ITPK1: variants seen among roughly 807,000 people sequenced by gnomAD.
ITPK1 encodes inositol-tetrakisphosphate 1-kinase.
A neutral mutation model predicts 45.3 loss-of-function variants in ITPK1; 21 were observed. That is an observed-to-expected ratio of 0.46 (90% CI 0.33 to 0.67). ITPK1 has a LOEUF of 0.67. Ranked by LOEUF, ITPK1 falls within the 30% of genes least tolerant of loss-of-function variation. The pLI, the probability that ITPK1 is intolerant of heterozygous loss-of-function variation, is 0.02. For synonymous variants in ITPK1, 258 were observed against 253.6 expected, an observed-to-expected ratio of 1.02 and a Z score of -0.16; for missense variants, 474 against 573.5, an observed-to-expected ratio of 0.83 and a Z score of 1.77.
At chr14:93,109,354 A>T (rs2140036956) in intron 2 of ITPK1, among the ~76,000 whole-genome samples, 1 of 152,352 alleles carries the variant, frequency 6.6e-6, no homozygotes, top group Non-Finnish European at 1.5e-5. Context: ...ATAAACACCT[A>T]TAGAGACAGA....
In ITPK1 at chr14:93,111,610, C is replaced by A. The variant is rs949666925; in HGVS notation, c.95+3459G>T. On this transcript the variant is annotated intron_variant, in intron 2 of 10. Transcript: ENST00000267615. ...CCTGTAATCCCAGCTACTCAGGAGGCTGAGGCAGGAGAATAGCTTGAACCT... is the reference window on the plus strand; with the variant it reads ...CCTGTAATCCCAGCTACTCAGGAGGATGAGGCAGGAGAATAGCTTGAACCT... Among the ~76,000 whole-genome samples the A allele has an allele frequency of 3.3e-5, 5 of 151,174 alleles. No homozygotes were observed. The East Asian group carries it at 9.8e-4, about 30-fold the overall frequency.
intron 3 of ITPK1, chr14:93,066,317 T>C (rs1462187161): frequency 2.2e-6 from 1 of 446,866 alleles, no homozygotes; most frequent in Non-Finnish European, 4.4e-6. Flanking sequence ...TGTGTGTGTG[T>C]GTATGTGTGT....
intron 2 of ITPK1, among the ~76,000 whole-genome samples, chr14:93,094,956 G>A (rs1006003343): frequency 6.6e-6 from 1 of 152,198 alleles, no homozygotes; most frequent in African/African-American, 2.4e-5. Context: ...ATACCTGTCC[G>A]TGAGCGAGCT....
intron 2 of ITPK1, among the ~76,000 whole-genome samples, chr14:93,077,901 T>C (rs1891293569): frequency 6.6e-6 from 1 of 152,184 alleles, no homozygotes; most frequent in African/African-American, 2.4e-5. Context: ...CAGCATACTG[T>C]GCACATTGTG....
chr14:92,992,171 GC>G (rs1221971283), intron 5 of ITPK1, among the ~76,000 whole-genome samples: 1 of 152,214 alleles, frequency 6.6e-6, no homozygotes, highest in Non-Finnish European at 1.5e-5. Flanking sequence ...ATGAGATGTG[GC>G]TGCTGGTCTG....
rs942531755 is a variant in ITPK1, at chr14:93,016,933, A to G, written c.121-132T>C. ...CCCTGTAGCACTCTGGAGATGGGGC[A>G]GGAGGAGGGCTGACATGGAAAATAC... is the stretch of plus-strand genomic sequence containing the variant. On this transcript the variant is annotated intron_variant, in intron 3 of 10. Coordinates refer to ENST00000267615, the MANE Select transcript of ITPK1 (RefSeq NM_014216.6). The surrounding 1 kb of genome is among the most constrained non-coding windows in gnomAD (Gnocchi z 5.0). 21 of 1,184,558 alleles carry G rather than the reference A, an allele frequency of 1.8e-5. No homozygotes were observed. The highest frequency in any genetic ancestry group is 1.2e-4 in the Admixed American group (5 of 41,972). 73.4% of individuals were successfully genotyped at this position (1,184,558 alleles called of 1,614,324 possible).
intron 2 of ITPK1, among the ~76,000 whole-genome samples, chr14:93,100,537 GGAGAGAGAGA>G (rs369481573): frequency 9.0e-4 from 133 of 148,132 alleles, no homozygotes; most frequent in African/African-American, 3.0e-3. Flanking sequence ...GAGAGAGGAG[GGAGAGAGAGA>G]GAGAGAGAGA....
At chr14:93,065,985 A>G (rs774610176) in intron 3 of ITPK1, among the ~76,000 whole-genome samples, 33 of 152,222 alleles carry the variant, frequency 2.2e-4, no homozygotes, top group African/African-American at 3.4e-4. Flanking sequence ...TAGAAAAAGG[A>G]GCATATTTTA....
chr14:93,110,745 C>G (rs1221978958), intron 2 of ITPK1, among the ~76,000 whole-genome samples: 1 of 152,182 alleles, frequency 6.6e-6, no homozygotes, highest in African/African-American at 2.4e-5. Context: ...GAGACTGCTC[C>G]AGAAACACGT....
chr14:92,972,577 T>G (rs1229953223), intron 5 of ITPK1, among the ~76,000 whole-genome samples: 1 of 152,086 alleles, frequency 6.6e-6, no homozygotes, highest in Non-Finnish European at 1.5e-5. Context: ...ACTTCCCAAC[T>G]CTTTTGTTTG....
chr14:92,944,325 G>A (rs1887577443), intron 10 of ITPK1, among the ~76,000 whole-genome samples: 1 of 152,068 alleles, frequency 6.6e-6, no homozygotes, highest in African/African-American at 2.4e-5. Flanking sequence ...CCCTGCCAGA[G>A]CCCTGGGCCT....
chr14:93,057,323 G>T (rs1207921624), intron 3 of ITPK1, among the ~76,000 whole-genome samples: 1 of 152,150 alleles, frequency 6.6e-6, no homozygotes, highest in Middle Eastern at 3.2e-3. Context: ...GTGTTCTCTC[G>T]AAATCTGTCC....
intron 3 of ITPK1, among the ~76,000 whole-genome samples, chr14:93,057,507 AC>A (rs1355677084): frequency 8.5e-5 from 13 of 152,180 alleles, no homozygotes; most frequent in African/African-American, 3.1e-4. Context: ...GGGCAACCTC[AC>A]CAAGCTGACT....
chr14:93,050,198 T>C (rs1016636986), intron 3 of ITPK1, among the ~76,000 whole-genome samples: 3 of 152,152 alleles, frequency 2.0e-5, no homozygotes, highest in African/African-American at 7.2e-5. Flanking sequence ...CGGTGCATTT[T>C]AAAGAAAGCC....
intron 2 of ITPK1, among the ~76,000 whole-genome samples, chr14:93,083,890 G>T (rs1382618470): frequency 6.6e-6 from 1 of 152,180 alleles, no homozygotes; most frequent in Non-Finnish European, 1.5e-5. Context: ...ACTGGGCAGA[G>T]AGAAAGGCTG....
intron 3 of ITPK1, among the ~76,000 whole-genome samples, chr14:93,044,825 A>T (rs1345355897): frequency 6.6e-6 from 1 of 152,066 alleles, no homozygotes; most frequent in African/African-American, 2.4e-5. Context: ...AAAACCCGAC[A>T]CCGTGACGGA....
intron 3 of ITPK1, among the ~76,000 whole-genome samples, chr14:93,073,480 ATGCCT>A (rs1356098617): frequency 6.6e-6 from 1 of 152,192 alleles, no homozygotes; most frequent in African/African-American, 2.4e-5. Flanking sequence ...TAAACCCATG[ATGCCT>A]GGTACACTGG....
intron 4 of ITPK1, among the ~76,000 whole-genome samples, chr14:93,004,491 C>T (rs1364104205): frequency 1.3e-5 from 2 of 152,112 alleles, no homozygotes; most frequent in South Asian, 2.1e-4. Flanking sequence ...CCAGACAGTA[C>T]GAGAGCAGAA....
At chr14:93,007,485 C>G (rs1375007588) in intron 4 of ITPK1, among the ~76,000 whole-genome samples, 2 of 152,164 alleles carry the variant, frequency 1.3e-5, no homozygotes, top group African/African-American at 4.8e-5. Flanking sequence ...TGACTCACAG[C>G]CAGCAGGGCT....
Sources: allele counts gnomAD v4.1 joint callset (sites outside exome capture counted in the v4.1 genomes callset), GRCh38; gene constraint gnomAD v4.1.1; non-coding constraint Gnocchi (gnomAD v3.1); transcripts MANE v1.5; gene names NCBI Gene and HGNC (gene_info 2026-07-23, HGNC 2026-07-21).